Variants in MEP1A observed in about 807,000 individuals in gnomAD.
MEP1A encodes N-benzoyl-L-tyrosyl-P-amino-benzoic acid hydrolase subunit alpha.
A neutral mutation model predicts 84.5 loss-of-function variants in MEP1A; 68 were observed. The observed-to-expected ratio is 0.80, with a 90% CI of 0.66 to 0.98. MEP1A has a LOEUF of 0.98. Among genes scored for constraint, MEP1A ranks in the 50% least tolerant of loss-of-function variants. The pLI is 0.00. For missense variants in MEP1A, 887 were observed against 919.9 expected (o/e 0.96, Z 0.46); for synonymous variants, 337 against 336.8 (o/e 1.00, Z -0.01).
At chr6:46,834,169 C>T (rs1452316627) in intron 11 of MEP1A, among the ~76,000 whole-genome samples, 21 of 151,880 alleles carry the variant, frequency 1.4e-4, no homozygotes, top group South Asian at 2.1e-4. Context: ...GCAATCCACC[C>T]GCTTTGGCCT....
chr6:46,807,578 AAGG>A (rs60881585), intron 5 of MEP1A, among the ~76,000 whole-genome samples: 18 of 73,406 alleles, frequency 2.5e-4, no homozygotes, highest in African/African-American at 1.1e-3. Flanking sequence ...GGAAGGAAGG[AAGG>A]AAGGAAGGAA....
At chr6:46,815,478 C>A (rs961527637) in intron 6 of MEP1A, among the ~76,000 whole-genome samples, 1 of 152,174 alleles carries the variant, frequency 6.6e-6, no homozygotes, top group South Asian at 2.1e-4. Context: ...CATTTCCAGT[C>A]GTCTGGTGAC....
At chr6:46,808,732 C>G (rs373887803) in intron 5 of MEP1A, among the ~76,000 whole-genome samples, 9 of 152,090 alleles carry the variant, frequency 5.9e-5, no homozygotes, top group African/African-American at 2.2e-4. Context: ...TTTCCTGCCC[C>G]TTCAAGTCCA....
chr6:46,813,785 A>G (rs796144711), intron 6 of MEP1A, among the ~76,000 whole-genome samples: 1 of 152,194 alleles, frequency 6.6e-6, no homozygotes, highest in African/African-American at 2.4e-5. Flanking sequence ...TTTGAAAAAG[A>G]CTGTATCTTT....
chr6:46,820,191 T>C (rs1767734451), intron 7 of MEP1A, among the ~76,000 whole-genome samples: 2 of 152,190 alleles, frequency 1.3e-5, no homozygotes, highest in Non-Finnish European at 2.9e-5. Flanking sequence ...AAATAAATGC[T>C]TTTATCTGAA....
chr6:46,840,653 C>T (rs1270360406), downstream of MEP1A, among the ~76,000 whole-genome samples: 1 of 152,212 alleles, frequency 6.6e-6, no homozygotes, highest in Non-Finnish European at 1.5e-5. Context: ...AGTTTACTAA[C>T]TTGTCAAATG....
chr6:46,823,262 T>C (rs1405199034), intron 7 of MEP1A, among the ~76,000 whole-genome samples: 4 of 152,238 alleles, frequency 2.6e-5, no homozygotes, highest in African/African-American at 9.6e-5. Context: ...ACTTCTGCAG[T>C]CCTGCATATA....
intron 3 of MEP1A, among the ~76,000 whole-genome samples, chr6:46,794,316 G>C (rs534818864): frequency 6.6e-6 from 1 of 152,208 alleles, no homozygotes; most frequent in African/African-American, 2.4e-5. Context: ...AGTGTCTTAG[G>C]TCAGGATTTG....
chr6:46,798,792 C>T, intron 4 of MEP1A, 146 bp downstream of exon 4: 1 of 705,808 alleles, frequency 1.4e-6, no homozygotes, highest in Non-Finnish European at 2.5e-6. Flanking sequence ...TGAGGAGTTC[C>T]ACTGTAGTTC....
chr6:46,831,596 C>A (rs536298610), intron 10 of MEP1A, among the ~76,000 whole-genome samples: 3 of 152,276 alleles, frequency 2.0e-5, no homozygotes, highest in East Asian at 1.9e-4. Flanking sequence ...TGTGGTATAG[C>A]CTCTTGGGTC....
intron 6 of MEP1A, among the ~76,000 whole-genome samples, chr6:46,814,727 T>C (rs753790223): frequency 6.6e-6 from 1 of 152,212 alleles, no homozygotes; most frequent in Non-Finnish European, 1.5e-5. Flanking sequence ...GATTTTTTTG[T>C]CCCACAGGGT....
intron 3 of MEP1A, 63 bp from the exon 4 acceptor site, chr6:46,798,543 G>A (rs553462345): frequency 7.4e-5 from 94 of 1,275,020 alleles, no homozygotes; most frequent in South Asian, 5.8e-4. Flanking sequence ...ATTTTATTAC[G>A]AAAGATGCCT....
At chr6:46,830,802 T>C (rs2150755313) in intron 10 of MEP1A, among the ~76,000 whole-genome samples, 1 of 152,304 alleles carries the variant, frequency 6.6e-6, no homozygotes, top group South Asian at 2.1e-4. Flanking sequence ...AATCACAGTT[T>C]TGAGGGGTTC....
intron 8 of MEP1A, among the ~76,000 whole-genome samples, chr6:46,825,933 G>C (rs934388989): frequency 6.6e-6 from 1 of 152,150 alleles, no homozygotes; most frequent in African/African-American, 2.4e-5. Context: ...ACTTACGTTA[G>C]TTATTCCTAG....
Position 46,832,485 on chromosome 6 carries a change from C to T in MEP1A, c.1145-589C>T, listed in dbSNP as rs1371935935. ...GAACGTGCATTTCCAGACAATAGTA[C>T]TCTATTTGGCTTACTTTGCTCCCCT... is the stretch of plus-strand genomic sequence containing the variant. On this transcript the variant is annotated intron_variant, in intron 10 of 13. Transcript: ENST00000230588. Among the ~76,000 whole-genome samples the T allele has an allele frequency of 4.6e-5, 7 of 152,248 alleles. No homozygotes were observed. The South Asian group carries it at 1.5e-3, about 32-fold the overall frequency.
At chr6:46,809,095 A>G (rs1017144625) in intron 5 of MEP1A, among the ~76,000 whole-genome samples, 5 of 152,008 alleles carry the variant, frequency 3.3e-5, no homozygotes, top group Non-Finnish European at 4.4e-5. Context: ...TCTCTGCTTC[A>G]GTGGGGGAAA....
intron 10 of MEP1A, among the ~76,000 whole-genome samples, chr6:46,831,812 A>C (rs1768081734): frequency 6.6e-6 from 1 of 152,166 alleles, no homozygotes; most frequent in Non-Finnish European, 1.5e-5. Flanking sequence ...CTTCAAGTCC[A>C]TGTGTCTTCC....
intron 8 of MEP1A, 86 bp from the exon 9 acceptor site, chr6:46,826,268 C>A (rs2150753301): frequency 1.6e-6 from 2 of 1,224,092 alleles, no homozygotes; most frequent in African/African-American, 1.5e-5. Context: ...CATATCTGAA[C>A]AATGAGGTTT....
chr6:46,806,905 C>T (rs1022877464), intron 5 of MEP1A, among the ~76,000 whole-genome samples: 21 of 151,994 alleles, frequency 1.4e-4, no homozygotes, highest in African/African-American at 5.1e-4. Flanking sequence ...GAATCTTACC[C>T]AATGAAATTT....
Sources: gnomAD v4.1 joint callset for allele counts (sites outside exome capture counted in the v4.1 genomes callset) on GRCh38, gnomAD v4.1.1 for gene constraint, MANE v1.5 for transcripts, NCBI Gene and HGNC (gene_info 2026-07-23, HGNC 2026-07-21) for gene names.